ACAP2: variants seen among roughly 807,000 people sequenced by gnomAD.
ACAP2 encodes the protein ArfGAP with coiled-coil, ankyrin repeat and PH domains 2, also known as arf-GAP with coiled-coil, ANK repeat and PH domain-containing protein 2.
Under a neutral mutation model 115.8 loss-of-function variants are expected in ACAP2, and 39 were observed. That is an observed-to-expected ratio of 0.34 (90% CI 0.26 to 0.44). The LOEUF is 0.44. Among genes scored for constraint, ACAP2 ranks in the 20% least tolerant of loss-of-function variants. ACAP2 has a pLI of 1.00. For synonymous variants in ACAP2, 289 were observed against 315.8 expected (o/e 0.92, Z 0.90); for missense variants, 662 against 927.6 (o/e 0.71, Z 3.72).
chr3:195,378,055 AGAGG>A (rs71982948), intron 4 of ACAP2, among the ~76,000 whole-genome samples: 33,139 of 143,536 alleles, frequency 0.23, 4,475 homozygotes, highest in East Asian at 0.72. Flanking sequence ...GTGAAAAAGA[AGAGG>A]GAGGGAGGGA....
intron 4 of ACAP2, among the ~76,000 whole-genome samples, chr3:195,377,136 A>ATTTTTTTTTTTTTTTTTT (rs1478091442): frequency 3.3e-5 from 3 of 89,718 alleles, no homozygotes; most frequent in African/African-American, 1.4e-4. Context: ...AGGAATGTAA[A>ATTTTTTTTTTTTTTTTTT]TCTTTTTTTT....
Position 195,277,798 on chromosome 3 carries a change from T to C in ACAP2, c.*1530A>G, listed in dbSNP as rs993249089. 1 of 151,760 alleles carries C rather than the reference T, an allele frequency of 6.6e-6. No individual in the cohort carries two copies. Among genetic ancestry groups the C allele is most frequent in the East Asian group, 1.9e-4 (1 of 5,200 alleles). The allele number at this position is 151,760 out of a possible 1,614,324, so 9.4% of individuals were successfully genotyped here. ...AATGGGAAGGAATCAAAAGGCAAAT[T>C]AGGCTGGGTGCGGTGGCTCACGCCT... On this transcript the variant is annotated 3_prime_UTR_variant, in exon 23 of 23. Coordinates refer to ENST00000326793, the MANE Select transcript of ACAP2 (RefSeq NM_012287.6).
At chr3:195,438,579 C>T (rs1176593670) in intron 1 of ACAP2, among the ~76,000 whole-genome samples, 2 of 152,080 alleles carry the variant, frequency 1.3e-5, no homozygotes, top group Non-Finnish European at 2.9e-5. Flanking sequence ...CCCATTAAAA[C>T]CTTTCACCTG....
chr3:195,338,227 C>T lies in ACAP2; in HGVS notation c.529-1251G>A, dbSNP rs767601599. The stretch of plus-strand genomic sequence containing the variant: ...AATTCTAGTGAGACCAGGGTCTTTG[C>T]CTTATTCCCAGCTGTAGTGGCACAC... On this transcript the variant is annotated intron_variant, in intron 6 of 22. Transcript: ENST00000326793. 1.3e-4 allele frequency among the ~76,000 whole-genome samples: 20 copies of T among 152,164 alleles called. No individual in the cohort carries two copies. In the East Asian group the frequency reaches 3.8e-3, roughly 29 times the overall value.
intron 4 of ACAP2, among the ~76,000 whole-genome samples, chr3:195,379,278 C>T (rs79770395): frequency 3.9e-5 from 6 of 152,046 alleles, no homozygotes; most frequent in Non-Finnish European, 8.8e-5. Flanking sequence ...ACCAAAAGCA[C>T]AAACAACAAA....
intron 4 of ACAP2, among the ~76,000 whole-genome samples, chr3:195,365,146 G>A (rs549513437): frequency 1.3e-5 from 2 of 152,258 alleles, no homozygotes; most frequent in South Asian, 4.1e-4. Flanking sequence ...GAGGGTAGGG[G>A]GACGTGGAGG....
chr3:195,296,042 T>TA, intron 16 of ACAP2, 150 bp from the exon 17 acceptor site: 2 of 614,580 alleles, frequency 3.3e-6, no homozygotes, highest in Non-Finnish European at 2.7e-6. Flanking sequence ...CATATATATA[T>TA]TATGTTTCCC....
intron 1 of ACAP2, among the ~76,000 whole-genome samples, chr3:195,408,899 T>C (rs1330356343): frequency 6.6e-6 from 1 of 152,164 alleles, no homozygotes; most frequent in African/African-American, 2.4e-5. Context: ...AAAATTCTTT[T>C]TTTCATGATA....
intron 1 of ACAP2, among the ~76,000 whole-genome samples, chr3:195,415,722 G>T (rs1185440527): frequency 2.6e-5 from 4 of 152,144 alleles, no homozygotes; most frequent in South Asian, 2.1e-4. Flanking sequence ...GCATACCACT[G>T]ATTTGATAAA....
In ACAP2 at chr3:195,424,891, G is replaced by A. The variant is rs1714542780; in HGVS notation, c.53+17904C>T. ...TGATTGTGCCACTGCACTCCAGCCT[G>A]AGTGATAGAGTGAGACCCTGTCTTA... On this transcript the variant is annotated intron_variant, in intron 1 of 22. Transcript: ENST00000326793. Among the ~76,000 whole-genome samples, 3 of 122,938 alleles carry A rather than the reference G, an allele frequency of 2.4e-5. No homozygotes were observed. In the South Asian group the frequency reaches 8.3e-4, roughly 34 times the overall value. 80.7% of individuals were successfully genotyped at this position (122,938 alleles called of 152,430 possible). A position where few individuals can be genotyped will look rare whatever the true frequency, so the allele number is the denominator to read the frequency against.
rs77856053 is a variant in ACAP2 at position 195,375,507 on chromosome 3, CAAAAAAA to C, written c.285+5495_285+5501del. Among the ~76,000 whole-genome samples, 10 of 103,724 alleles carry C rather than the reference CAAAAAAA, an allele frequency of 9.6e-5. No homozygotes were observed. The South Asian group carries it at 2.8e-3, about 29-fold the overall frequency. The allele number at this position is 103,724 out of a possible 152,430, so 68.0% of individuals were successfully genotyped here. ...GCTCTAAATTGAAAAATCAACTGTA[CAAAAAAA>C]AAAAAAAAAAATACTGGCCAGGCAC... On this transcript the variant is annotated intron_variant, in intron 4 of 22. Transcript: ENST00000326793.
chr3:195,281,889 T>G (rs1393429199), intron 22 of ACAP2, among the ~76,000 whole-genome samples: 2 of 152,358 alleles, frequency 1.3e-5, no homozygotes, highest in East Asian at 3.9e-4. Context: ...TTTAAAAGAC[T>G]ATTTAAACTG....
At chr3:195,289,084 C>A in intron 21 of ACAP2, 37 bp downstream of exon 21, 1 of 1,527,960 alleles carries the variant, frequency 6.5e-7, no homozygotes, top group Non-Finnish European at 9.0e-7. Flanking sequence ...CTGTAATTCA[C>A]TGTATGGAAA....
Position 195,301,650 on chromosome 3 carries a change from TG to T in ACAP2, c.1326-7del, listed in dbSNP as rs751099645. 3.1e-6 allele frequency: 5 copies of T among 1,610,868 alleles called. No homozygotes were observed. The South Asian group carries it at 5.5e-5, about 18-fold the overall frequency. ...AAAAATGAACCCCAAGGCTCCTAAG[TG>T]GAAAAAAGAAGACTGCATTACTATC... On this transcript the variant is annotated splice_region_variant and splice_polypyrimidine_tract_variant and intron_variant, in intron 14 of 22. Coordinates refer to ENST00000326793, the MANE Select transcript of ACAP2 (RefSeq NM_012287.6).
chr3:195,320,631 G>A (rs571149894), intron 10 of ACAP2, 70 bp downstream of exon 10: 9 of 1,129,092 alleles, frequency 8.0e-6, no homozygotes, highest in Admixed American at 3.7e-5. Context: ...GGAGAGAGTT[G>A]TCAAATCACA....
chr3:195,304,194 A>G (rs1020489485), intron 13 of ACAP2, among the ~76,000 whole-genome samples: 3 of 127,666 alleles, frequency 2.3e-5, no homozygotes, highest in African/African-American at 5.9e-5. Flanking sequence ...AAAAAAAAAA[A>G]ACTTCCCTGT....
chr3:195,385,692 G>GA (rs1197112391), intron 2 of ACAP2, among the ~76,000 whole-genome samples: 1 of 152,126 alleles, frequency 6.6e-6, no homozygotes, highest in African/African-American at 2.4e-5. Context: ...ACGGTAACAA[G>GA]AAAGGCACCT....
intron 1 of ACAP2, among the ~76,000 whole-genome samples, chr3:195,441,034 A>G (rs1016168620): frequency 1.3e-5 from 2 of 152,106 alleles, no homozygotes; most frequent in African/African-American, 4.8e-5. Context: ...CTCTTATTTT[A>G]TATTCAATGA....
intron 4 of ACAP2, among the ~76,000 whole-genome samples, chr3:195,359,245 C>T (rs974818187): frequency 6.6e-6 from 1 of 152,178 alleles, no homozygotes; most frequent in Non-Finnish European, 1.5e-5. Context: ...TCTGCAGGTG[C>T]AAGGCTCACT....
Sources: allele counts gnomAD v4.1 joint callset (sites outside exome capture counted in the v4.1 genomes callset), GRCh38; gene constraint gnomAD v4.1.1; transcripts MANE v1.5; gene names NCBI Gene and HGNC (gene_info 2026-07-23, HGNC 2026-07-21).